ZNF107: variants seen among roughly 807,000 people sequenced by gnomAD.
The protein encoded by ZNF107 is C2H2 type zinc-finger protein.
Under a neutral mutation model 12.3 loss-of-function variants are expected in ZNF107, and 19 were observed. The observed-to-expected ratio is 1.55, with a 90% CI of 1.08 to 2.27. ZNF107 has a LOEUF of 2.27. ZNF107 is among the 30% of genes most tolerant of loss of function. ZNF107 has a pLI of 0.00. For synonymous variants in ZNF107, 317 were observed against 330.5 expected, an observed-to-expected ratio of 0.96 and a Z score of 0.44; for missense variants, 958 against 979.9, an observed-to-expected ratio of 0.98 and a Z score of 0.30.
chr7:64,711,155 A>G lies in ZNF107; in HGVS notation c.*2499A>G, dbSNP rs946080646. 6.6e-6 allele frequency: 1 copy of G among 152,198 alleles called. No individual in the cohort carries two copies. The highest frequency in any genetic ancestry group is 2.4e-5 in the African/African-American group (1 of 41,466). 9.4% of individuals were successfully genotyped at this position (152,198 alleles called of 1,614,324 possible). On this transcript the variant is annotated 3_prime_UTR_variant, in exon 4 of 4. Transcript: ENST00000620827. ...TCCCACATTACTCAAGGGTTTAGGT[A>G]AAAGAGGGTAACAGTATACTACTTG...
At chr7:64,693,276 G>T (rs1403108827) in intron 3 of ZNF107, among the ~76,000 whole-genome samples, 1 of 146,916 alleles carries the variant, frequency 6.8e-6, no homozygotes, top group African/African-American at 2.5e-5. Flanking sequence ...GCCTCCCAAA[G>T]TGCTGGGATT....
intron 1 of ZNF107, among the ~76,000 whole-genome samples, chr7:64,669,979 C>A (rs1309657186): frequency 2.0e-5 from 3 of 152,002 alleles, no homozygotes; most frequent in African/African-American, 7.3e-5. Context: ...CCAGTTAGTT[C>A]TTTCTTGGAA....
chr7:64,670,319 G>A (rs1321445509), intron 1 of ZNF107, among the ~76,000 whole-genome samples: 1 of 151,974 alleles, frequency 6.6e-6, no homozygotes, highest in Non-Finnish European at 1.5e-5. Context: ...TAGAAAGAAG[G>A]TCACAGGGGA....
chr7:64,696,370 C>T (rs1461940728), intron 3 of ZNF107, among the ~76,000 whole-genome samples: 1 of 152,022 alleles, frequency 6.6e-6, no homozygotes, highest in African/African-American at 2.4e-5. Context: ...AAAAAAATAG[C>T]CAGGCATGGT....
At chr7:64,680,262 G>A (rs1266492689) in intron 1 of ZNF107, among the ~76,000 whole-genome samples, 2 of 152,170 alleles carry the variant, frequency 1.3e-5, no homozygotes, top group Non-Finnish European at 2.9e-5. Context: ...CAGTGTTTAG[G>A]TTCTTTTCCA....
At chr7:64,693,567 A>G (rs1456762600) in intron 3 of ZNF107, among the ~76,000 whole-genome samples, 3 of 152,116 alleles carry the variant, frequency 2.0e-5, no homozygotes, top group Non-Finnish European at 4.4e-5. Flanking sequence ...GGTCTGCACT[A>G]GGGTCCACCT....
intron 1 of ZNF107, among the ~76,000 whole-genome samples, chr7:64,689,012 A>G (rs559459378): frequency 6.6e-6 from 1 of 152,260 alleles, no homozygotes; most frequent in East Asian, 1.9e-4. Context: ...GCGCTAATCA[A>G]AGTGTAGATT....
intron 1 of ZNF107, among the ~76,000 whole-genome samples, chr7:64,686,330 T>G (rs144206059): frequency 6.6e-6 from 1 of 152,198 alleles, no homozygotes; most frequent in African/African-American, 2.4e-5. Context: ...CCTTCTCCTA[T>G]TTGGACCCTG....
rs1392871914 is a variant in ZNF107 at position 64,708,820 on chromosome 7, TTAAC to T, written c.*168_*171del. ...CAATGTAAAGAATGTGGCACAGCTTTTAACTAATCTTCAAACCTTACTGAAAGTT... is the reference window on the plus strand; with the variant it reads ...CAATGTAAAGAATGTGGCACAGCTTTTAATCTTCAAACCTTACTGAAAGTT... On this transcript the variant is annotated 3_prime_UTR_variant, in exon 4 of 4. Coordinates refer to ENST00000620827, the MANE Select transcript of ZNF107 (RefSeq NM_001282359.2). 1.9e-5 allele frequency: 14 copies of T among 732,038 alleles called. No individual in the cohort carries two copies. Among genetic ancestry groups the T allele is most frequent in the Middle Eastern group, 3.1e-4 (1 of 3,262 alleles). The allele number at this position is 732,038 out of a possible 1,614,324, so 45.3% of individuals were successfully genotyped here.
chr7:64,701,051 A>C (rs1008023699), intron 3 of ZNF107, among the ~76,000 whole-genome samples: 1 of 152,092 alleles, frequency 6.6e-6, no homozygotes, highest in African/African-American at 2.4e-5. Context: ...CCCTATTGTT[A>C]TATATACATG....
At chr7:64,701,970 A>G in intron 3 of ZNF107, among the ~76,000 whole-genome samples, 1 of 152,144 alleles carries the variant, frequency 6.6e-6, no homozygotes, top group Non-Finnish European at 1.5e-5. Flanking sequence ...TACTATTATC[A>G]TTTTATTATT....
At chr7:64,680,331 C>T (rs1439896275) in intron 1 of ZNF107, among the ~76,000 whole-genome samples, 1 of 152,158 alleles carries the variant, frequency 6.6e-6, no homozygotes, top group Non-Finnish European at 1.5e-5. Flanking sequence ...TATAACCTCA[C>T]CTGGAGTGAC....
chr7:64,706,317 C>A lies in ZNF107; in HGVS notation c.227-7C>A. On this transcript the variant is annotated splice_region_variant and splice_polypyrimidine_tract_variant and intron_variant, in intron 3 of 3. Transcript: ENST00000620827. ...GTGGAGTAATTTATTATTTTTATTT[C>A]TTTCAGTAATGTCTTTTCATTTTGC... is the stretch of plus-strand genomic sequence containing the variant. 4.0e-6 allele frequency: 6 copies of A among 1,507,826 alleles called. No individual in the cohort carries two copies. In the South Asian group the frequency reaches 4.2e-5, roughly 11 times the overall value. 93.4% of individuals were successfully genotyped at this position (1,507,826 alleles called of 1,614,324 possible).
At chr7:64,667,708 T>C (rs1789056662) in intron 1 of ZNF107, among the ~76,000 whole-genome samples, 1 of 152,028 alleles carries the variant, frequency 6.6e-6, no homozygotes. Context: ...GAGGTTGGAG[T>C]GTAGCCTCTC....
intron 3 of ZNF107, among the ~76,000 whole-genome samples, chr7:64,699,883 A>G (rs941147603): frequency 1.3e-5 from 2 of 151,884 alleles, no homozygotes; most frequent in African/African-American, 4.8e-5. Flanking sequence ...CCTGGCTAAC[A>G]TGGTGAAATC....
At position 64,707,845 on chromosome 7, in the gene ZNF107, A is replaced by G. The variant is rs1048556311; in HGVS notation, c.1748A>G (p.His583Arg). The G allele has an allele frequency of 8.7e-6, 14 of 1,613,376 alleles. No homozygotes were observed. Among genetic ancestry groups the G allele is most frequent in the Non-Finnish European group, 1.1e-5 (13 of 1,179,724 alleles). The stretch of plus-strand genomic sequence containing the variant: ...AATCAATCCTATCAACTTACTAGAC[A>G]TAAGATAGTTCATACTAAAGAGAAA... ...AFNQSYQLTR[H>R]KIVHTKEKLN... The change falls in exon 4 of 4, where the codon CAT (histidine) becomes CGT (arginine). Residue 583 changes from histidine (H) to arginine (R), a missense_variant. By Grantham distance (29) the His-to-Arg change is conservative. Transcript: ENST00000620827.
Position 64,706,482 on chromosome 7 carries a change from G to C in ZNF107, c.385G>C (p.Gly129Arg), listed in dbSNP as rs1448814948. The part of the protein sequence containing the change: ...HVDECTGHKG[G>R]HNTVNQCLTA... ...GGATGAGTGTACGGGGCACAAAGGA[G>C]GTCATAATACAGTTAACCAATGTTT... The change falls in exon 4 of 4, where the codon GGT (glycine) becomes CGT (arginine). Residue 129 changes from glycine (G) to arginine (R), a missense_variant. Transcript: ENST00000620827. 1 of 1,613,172 alleles carries C rather than the reference G, an allele frequency of 6.2e-7. No individual in the cohort carries two copies. Among genetic ancestry groups the C allele is most frequent in the Non-Finnish European group, 8.5e-7 (1 of 1,179,430 alleles).
At chr7:64,701,807 G>C (rs1790486252) in intron 3 of ZNF107, among the ~76,000 whole-genome samples, 1 of 152,024 alleles carries the variant, frequency 6.6e-6, no homozygotes, top group East Asian at 1.9e-4. Flanking sequence ...TTTTTGTAGA[G>C]ACAGGGTTTT....
chr7:64,668,441 C>T (rs1160796999), intron 1 of ZNF107, among the ~76,000 whole-genome samples: 1 of 150,854 alleles, frequency 6.6e-6, no homozygotes, highest in Admixed American at 6.6e-5. Flanking sequence ...ACGATGGTTT[C>T]CAGCTTTATC....
Sources: allele counts gnomAD v4.1 joint callset (sites outside exome capture counted in the v4.1 genomes callset), GRCh38; gene constraint gnomAD v4.1.1; transcripts MANE v1.5; gene names NCBI Gene and HGNC (gene_info 2026-07-23, HGNC 2026-07-21).